Variants in GRM7 observed in about 807,000 individuals in gnomAD.
The protein encoded by GRM7 is glutamate metabotropic receptor 7, also known as metabotropic glutamate receptor 7.
Under a neutral mutation model 84.5 loss-of-function variants are expected in GRM7, and 35 were observed. The observed-to-expected ratio is 0.41, with a 90% confidence interval of 0.32 to 0.55. GRM7 has a LOEUF of 0.55. Among genes scored for constraint, GRM7 ranks in the 20% least tolerant of loss-of-function variants. The pLI is 0.19. For synonymous variants in GRM7, 487 were observed against 455.1 expected (o/e 1.07, Z -0.89); for missense variants, 1,003 against 1,194.6 (o/e 0.84, Z 2.36).
intron 1 of GRM7, among the ~76,000 whole-genome samples, chr3:7,071,192 G>T (rs76909655): frequency 2.0e-5 from 3 of 152,144 alleles, no homozygotes; most frequent in South Asian, 2.1e-4. Context: ...TCTGTGAATA[G>T]GTGGTATTGG....
intron 1 of GRM7, among the ~76,000 whole-genome samples, chr3:7,138,448 AAAAT>A (rs1456325929): frequency 2.0e-5 from 3 of 151,990 alleles, no homozygotes; most frequent in Admixed American, 2.0e-4. Flanking sequence ...CTTTCACATT[AAAAT>A]AAATACATAA....
intron 5 of GRM7, among the ~76,000 whole-genome samples, chr3:7,433,733 T>C (rs1392417353): frequency 6.6e-6 from 1 of 152,188 alleles, no homozygotes; most frequent in Non-Finnish European, 1.5e-5. Flanking sequence ...TTGACACAAC[T>C]AAAATATATT....
chr3:7,253,176 T>C lies in GRM7; in HGVS notation c.737-45508T>C, dbSNP rs1698067953. Among the ~76,000 whole-genome samples the C allele has an allele frequency of 2.0e-5, 3 of 152,186 alleles. No homozygotes were observed. The South Asian group carries it at 6.2e-4, about 32-fold the overall frequency. Reference sequence around the variant, plus strand: ...CACTCTCTATTTTAAAATACCAACTTTGTTCATTTACATCAACCCTTCGTC... The same window carrying C: ...CACTCTCTATTTTAAAATACCAACTCTGTTCATTTACATCAACCCTTCGTC... On this transcript the variant is annotated intron_variant, in intron 2 of 9. Transcript: ENST00000357716.
intron 4 of GRM7, among the ~76,000 whole-genome samples, chr3:7,397,251 C>G (rs1448288420): frequency 1.3e-5 from 2 of 152,132 alleles, no homozygotes; most frequent in Non-Finnish European, 2.9e-5. Flanking sequence ...CATCTTAATA[C>G]TCATACACAA....
chr3:7,669,517 T>C (rs905565120), intron 8 of GRM7, among the ~76,000 whole-genome samples: 2 of 152,112 alleles, frequency 1.3e-5, no homozygotes, highest in African/African-American at 4.8e-5. Context: ...TGGTAGAAAT[T>C]TGAGCTAATG....
chr3:7,474,571 C>G (rs1417868892), intron 7 of GRM7, among the ~76,000 whole-genome samples: 1 of 152,092 alleles, frequency 6.6e-6, no homozygotes, highest in East Asian at 1.9e-4. Flanking sequence ...GAAACAAGTT[C>G]CAGCTAATCT....
rs537260979 is a variant in GRM7 at position 7,093,697 on chromosome 3, AAAAAAAAAAAAAAAAAAG to A, written c.520-52754_520-52737del. Among the ~76,000 whole-genome samples the A allele has an allele frequency of 6.4e-3, 895 of 139,504 alleles. 59 individuals carry two copies. Among genetic ancestry groups the A allele is most frequent in the African/African-American group, 0.022 (801 of 36,492 alleles). The allele number at this position is 139,504 out of a possible 152,430, so 91.5% of individuals were successfully genotyped here. Reference sequence around the variant, plus strand: ...GTCTCAAAAAAAAAAAAAAAAAAAAAAAAAAAAAAAAAAAAAAGGTAGTTAGTGGCCTTTGCTCTTTTA... The same window carrying A: ...GTCTCAAAAAAAAAAAAAAAAAAAAAGTAGTTAGTGGCCTTTGCTCTTTTA... On this transcript the variant is annotated intron_variant, in intron 1 of 9. Coordinates refer to ENST00000357716, the MANE Select transcript of GRM7 (RefSeq NM_000844.4).
intron 1 of GRM7, among the ~76,000 whole-genome samples, chr3:6,865,372 T>A (rs931709183): frequency 3.3e-5 from 5 of 152,280 alleles, no homozygotes; most frequent in African/African-American, 9.6e-5. Flanking sequence ...TATATTACAG[T>A]GGAAAGTCAT....
At chr3:7,406,864 T>A (rs1414122963) in intron 4 of GRM7, among the ~76,000 whole-genome samples, 1 of 152,196 alleles carries the variant, frequency 6.6e-6, no homozygotes. Context: ...GCTTTGGATA[T>A]AGGTTGGCAA....
chr3:7,402,005 G>C (rs1043190219), intron 4 of GRM7, among the ~76,000 whole-genome samples: 1 of 152,098 alleles, frequency 6.6e-6, no homozygotes, highest in African/African-American at 2.4e-5. Context: ...TTGGAATCAG[G>C]TACTTGAACA....
intron 1 of GRM7, among the ~76,000 whole-genome samples, chr3:7,135,145 T>C (rs1010085887): frequency 2.0e-5 from 3 of 152,214 alleles, no homozygotes; most frequent in African/African-American, 7.2e-5. Flanking sequence ...TATCTCTCAG[T>C]AGTTTGGAAT....
intron 5 of GRM7, among the ~76,000 whole-genome samples, chr3:7,448,419 T>A (rs1421999390): frequency 2.0e-5 from 3 of 152,174 alleles, no homozygotes; most frequent in Non-Finnish European, 4.4e-5. Flanking sequence ...CAGAGGAGAT[T>A]GGATTGGCTT....
At chr3:7,505,849 G>A (rs1224519136) in intron 7 of GRM7, among the ~76,000 whole-genome samples, 3 of 152,136 alleles carry the variant, frequency 2.0e-5, no homozygotes, top group East Asian at 1.9e-4. Context: ...TCTCTAAAAT[G>A]TCTTCCAAGT....
At chr3:7,390,289 T>C (rs1694941365) in intron 4 of GRM7, among the ~76,000 whole-genome samples, 1 of 152,166 alleles carries the variant, frequency 6.6e-6, no homozygotes, top group African/African-American at 2.4e-5. Flanking sequence ...TTAAGGTTTT[T>C]TTGTGTGTTG....
At chr3:7,688,597 T>C (rs1700674264) in intron 9 of GRM7, among the ~76,000 whole-genome samples, 1 of 152,126 alleles carries the variant, frequency 6.6e-6, no homozygotes, top group African/African-American at 2.4e-5. Context: ...GATTTACTTG[T>C]TCAGGTCAGT....
At chr3:7,451,401 C>A (rs972664992) in intron 5 of GRM7, among the ~76,000 whole-genome samples, 1 of 152,090 alleles carries the variant, frequency 6.6e-6, no homozygotes, top group Non-Finnish European at 1.5e-5. Context: ...TGCGACTGAG[C>A]GCCTCGGTGT....
chr3:7,365,429 T>G (rs1575225106), intron 4 of GRM7, among the ~76,000 whole-genome samples: 1 of 151,724 alleles, frequency 6.6e-6, no homozygotes, highest in East Asian at 1.9e-4. Context: ...TTTACCACTT[T>G]GTGCTAAATT....
At chr3:7,011,597 A>G (rs1250667783) in intron 1 of GRM7, among the ~76,000 whole-genome samples, 7 of 152,190 alleles carry the variant, frequency 4.6e-5, no homozygotes, top group Non-Finnish European at 1.0e-4. Flanking sequence ...TTACATAGCT[A>G]TCACTCAATG....
intron 4 of GRM7, among the ~76,000 whole-genome samples, chr3:7,327,656 A>G (rs894715144): frequency 1.3e-5 from 2 of 152,232 alleles, no homozygotes; most frequent in African/African-American, 2.4e-5. Flanking sequence ...CAGTTGGATG[A>G]CTTGATTTTC....
Sources: gnomAD v4.1 joint callset for allele counts (sites outside exome capture counted in the v4.1 genomes callset) on GRCh38, gnomAD v4.1.1 for gene constraint, MANE v1.5 for transcripts, NCBI Gene and HGNC (gene_info 2026-07-23, HGNC 2026-07-21) for gene names.